The following SMC6 variants were observed in gnomAD, a reference collection of about 807,000 sequenced individuals.
The protein encoded by SMC6 is structural maintenance of chromosomes protein 6.
A neutral mutation model predicts 142.2 loss-of-function variants in SMC6; 79 were observed. The observed-to-expected ratio is 0.56, with a 90% CI of 0.46 to 0.67. The LOEUF (loss-of-function observed/expected upper bound fraction) is 0.67, where lower values mean the gene tolerates loss of function less well. Among genes scored for constraint, SMC6 ranks in the 30% least tolerant of loss-of-function variants. The pLI, the probability that SMC6 is intolerant of heterozygous loss-of-function variation, is 0.00. For missense variants in SMC6, 1,072 were observed against 1,284.0 expected, an observed-to-expected ratio of 0.83 and a Z score of 2.52; for synonymous variants, 411 against 412.4, an observed-to-expected ratio of 1.00 and a Z score of 0.04.
chr2:17,731,047 A>C, intron 7 of SMC6, 31 bp downstream of exon 7: 2 of 1,557,774 alleles, frequency 1.3e-6, no homozygotes, highest in Non-Finnish European at 1.8e-6. Flanking sequence ...AAGGTGTATG[A>C]ATTAATCTGA....
chr2:17,740,781 C>A, intron 4 of SMC6: 1 of 422,626 alleles, frequency 2.4e-6, no homozygotes, highest in African/African-American at 2.1e-5. Context: ...ACCTGGGAGG[C>A]AGAGGTTGCA....
In SMC6 at chr2:17,674,633, T is replaced by C. The variant is rs565417812; in HGVS notation, c.2911-4058A>G. Among the ~76,000 whole-genome samples the C allele has an allele frequency of 3.3e-5, 5 of 152,310 alleles. No homozygotes were observed. The South Asian group carries it at 1.0e-3, about 32-fold the overall frequency. On this transcript the variant is annotated intron_variant, in intron 25 of 27. Transcript: ENST00000448223. ...TCTATCCATTATTGAGAAAAGTTTA[T>C]TAAAATTTCCAACTGTAATTGTCAA...
At chr2:17,688,316 A>T (rs1446605509) in intron 23 of SMC6, among the ~76,000 whole-genome samples, 1 of 92,702 alleles carries the variant, frequency 1.1e-5, no homozygotes, top group East Asian at 2.4e-4. Context: ...AAATGCTATT[A>T]AAAAAAAAAA....
intron 5 of SMC6, among the ~76,000 whole-genome samples, chr2:17,737,981 A>T (rs974974390): frequency 6.6e-6 from 1 of 152,198 alleles, no homozygotes; most frequent in Non-Finnish European, 1.5e-5. Flanking sequence ...AAGTAACAGA[A>T]GCAAGATGGC....
chr2:17,700,461 G>T lies in SMC6; in HGVS notation c.2224-83C>A, dbSNP rs1482557864. 15 of 1,129,062 alleles carry T rather than the reference G, an allele frequency of 1.3e-5. No individual in the cohort carries two copies. In the Admixed American group the frequency reaches 3.9e-4, roughly 30 times the overall value. The allele number at this position is 1,129,062 out of a possible 1,614,324, so 69.9% of individuals were successfully genotyped here. ...AAGAAACATAAAAATAATTCTGAGA[G>T]AGGAGAAACTATAGGCTATATGCAA... On this transcript the variant is annotated intron_variant, in intron 20 of 27. Coordinates refer to ENST00000448223, the MANE Select transcript of SMC6 (RefSeq NM_001142286.2).
chr2:17,702,030 G>GA, intron 19 of SMC6, 121 bp from the exon 20 acceptor site: 2 of 599,942 alleles, frequency 3.3e-6, no homozygotes, highest in Non-Finnish European at 5.9e-6. Flanking sequence ...CATAATTAAT[G>GA]AAAGGGGTAC....
intron 21 of SMC6, among the ~76,000 whole-genome samples, chr2:17,697,698 C>A: frequency 6.6e-6 from 1 of 151,948 alleles, no homozygotes; most frequent in Non-Finnish European, 1.5e-5. Flanking sequence ...AGAAAATAAC[C>A]AGTGTTGATA....
Position 17,752,169 on chromosome 2 carries a change from GC to G in SMC6, c.-6+808del, listed in dbSNP as rs148875718. Among the ~76,000 whole-genome samples, 13 of 152,264 alleles carry G rather than the reference GC, an allele frequency of 8.5e-5. No homozygotes were observed. The East Asian group carries it at 1.9e-3, about 23-fold the overall frequency. The stretch of plus-strand genomic sequence containing the variant: ...CCTAAGAATTGGTTCCAAAATGACA[GC>G]CCCTCTCTCTCACTCAGATACCAAA... On this transcript the variant is annotated intron_variant, in intron 2 of 27. Transcript: ENST00000448223.
In SMC6 at chr2:17,718,115, CT is replaced by C; in HGVS notation, c.1053del (p.Asp352MetfsTer20). ...TAGGCCCTTTTCTTAGCAACAACAT[CT>C]GCTTTCAATGCCATACATTCTGGTG... ...ARAPECMALK[A>X]DVVAKKRAYN... is the part of the protein sequence containing the mutation. On this transcript the variant is annotated frameshift_variant, in exon 12 of 28. Transcript: ENST00000448223. LOFTEE classifies it high-confidence loss of function. The C allele has an allele frequency of 6.2e-7, 1 of 1,610,770 alleles. No individual in the cohort carries two copies. The highest frequency in any genetic ancestry group is 8.5e-7 in the Non-Finnish European group (1 of 1,178,074).
chr2:17,696,295 T>C lies in SMC6; in HGVS notation c.2526A>G (p.Glu842=), dbSNP rs1323686978. 4.4e-6 allele frequency: 7 copies of C among 1,587,904 alleles called. No individual in the cohort carries two copies. In the African/African-American group the frequency reaches 6.9e-5, roughly 16 times the overall value. ...KKRELDMKEK[E]LEEKMSQARQ... is the part of the protein sequence containing the mutation. ...GAAAAAAATGGTGAAAAACCTCTAG[T>C]TCTTTCTCTTTCATATCCAGTTCTC... The change falls in exon 22 of 28, where the codon GAA becomes GAG. Residue 842 remains glutamate (E), a synonymous_variant. Coordinates refer to ENST00000448223, the MANE Select transcript of SMC6 (RefSeq NM_001142286.2).
At chr2:17,745,782 A>G (rs1415247554) in intron 3 of SMC6, 45 bp downstream of exon 3, 1 of 1,550,132 alleles carries the variant, frequency 6.5e-7, no homozygotes, top group East Asian at 2.3e-5. Flanking sequence ...TGAATGTTAC[A>G]AGAAAAACAT....
intron 25 of SMC6, among the ~76,000 whole-genome samples, 168 bp downstream of exon 25, chr2:17,678,691 G>A (rs760396177): frequency 2.6e-5 from 4 of 151,664 alleles, no homozygotes; most frequent in Admixed American, 6.6e-5. Flanking sequence ...CAGGAGGGTC[G>A]CTTGAGCCTA....
At chr2:17,710,463 T>C (rs2124974742) in intron 16 of SMC6, among the ~76,000 whole-genome samples, 1 of 152,274 alleles carries the variant, frequency 6.6e-6, no homozygotes, top group Middle Eastern at 3.4e-3. Context: ...GTTTCAGTCA[T>C]CAATGTATGA....
intron 16 of SMC6, among the ~76,000 whole-genome samples, chr2:17,712,674 C>T (rs1421156370): frequency 6.6e-6 from 1 of 152,144 alleles, no homozygotes; most frequent in Non-Finnish European, 1.5e-5. Context: ...TTATAATACC[C>T]TAATAATATT....
At chr2:17,716,049 A>T (rs751358203) in intron 15 of SMC6, 37 bp downstream of exon 15, 1 of 1,406,050 alleles carries the variant, frequency 7.1e-7, no homozygotes, top group African/African-American at 1.5e-5. Context: ...ACTTATTTCT[A>T]AAGTTTATTA....
At chr2:17,716,528 T>C (rs901550917) in intron 14 of SMC6, among the ~76,000 whole-genome samples, 3 of 152,146 alleles carry the variant, frequency 2.0e-5, no homozygotes, top group Admixed American at 1.3e-4. Flanking sequence ...AGAAAAGTCT[T>C]GAAAAGTGAT....
At chr2:17,730,383 C>A (rs180934528) in intron 7 of SMC6, among the ~76,000 whole-genome samples, 1 of 142,628 alleles carries the variant, frequency 7.0e-6, no homozygotes, top group East Asian at 2.0e-4. Context: ...ACTTTAGAAA[C>A]TAAACACTCA....
chr2:17,682,478 A>G (rs1230551274), intron 24 of SMC6, among the ~76,000 whole-genome samples: 1 of 152,182 alleles, frequency 6.6e-6, no homozygotes. Context: ...TAAACTCCAG[A>G]GGATCTATAA....
Position 17,753,784 on chromosome 2 carries a change from G to C in SMC6, c.-251C>G, listed in dbSNP as rs918764340. ...CGCAGGAGAAGGTAGATTCCCGGGA[G>C]CCCCGGCGCCCACCGCGGTACTAAC... On this transcript the variant is annotated 5_prime_UTR_variant, in exon 1 of 28. Coordinates refer to ENST00000448223, the MANE Select transcript of SMC6 (RefSeq NM_001142286.2). 6.6e-6 allele frequency: 1 copy of C among 152,246 alleles called. No individual in the cohort carries two copies. The highest frequency in any genetic ancestry group is 1.5e-5 in the Non-Finnish European group (1 of 68,076). 9.4% of individuals were successfully genotyped at this position (152,246 alleles called of 1,614,324 possible).
Sources: allele counts gnomAD v4.1 joint callset (sites outside exome capture counted in the v4.1 genomes callset), GRCh38; gene constraint gnomAD v4.1.1; transcripts MANE v1.5; gene names NCBI Gene and HGNC (gene_info 2026-07-23, HGNC 2026-07-21).